ZFYVE28: variants seen among roughly 807,000 people sequenced by gnomAD.
The protein encoded by ZFYVE28 is zinc finger FYVE-type containing 28, also known as lateral signaling target protein 2 homolog.
Under a neutral mutation model 82.1 loss-of-function variants are expected in ZFYVE28, and 40 were observed. That is an observed-to-expected ratio of 0.49 (90% confidence interval 0.38 to 0.63). The LOEUF (loss-of-function observed/expected upper bound fraction) is 0.63, where lower values mean the gene tolerates loss of function less well. ZFYVE28 is among the 30% of genes least tolerant of loss of function. The probability of loss-of-function intolerance (pLI) is 0.00; values close to 1 mark genes in which losing one functional copy is unlikely to be tolerated. For missense variants in ZFYVE28, 1,321 were observed against 1,242.1 expected (o/e 1.06, Z -0.96); for synonymous variants, 612 against 546.1 (o/e 1.12, Z -1.68).
chr4:2,313,644 T>A (rs1367898177), intron 7 of ZFYVE28, among the ~76,000 whole-genome samples: 1 of 151,982 alleles, frequency 6.6e-6, no homozygotes, highest in Non-Finnish European at 1.5e-5. Context: ...GGTGAGTGGA[T>A]CATTTGAGGT....
At chr4:2,327,477 T>C (rs573734949) in intron 6 of ZFYVE28, among the ~76,000 whole-genome samples, 1 of 151,882 alleles carries the variant, frequency 6.6e-6, no homozygotes, top group East Asian at 1.9e-4. Flanking sequence ...CAGGAAAGGC[T>C]TTCAATTTTT....
At chr4:2,293,826 C>T (rs73203318) in intron 8 of ZFYVE28, among the ~76,000 whole-genome samples, 12,117 of 148,832 alleles carry the variant, frequency 0.081, 566 homozygotes, top group Admixed American at 0.1. Context: ...TGAACAATTA[C>T]AAATTAAAAT....
intron 10 of ZFYVE28, 58 bp from the exon 11 acceptor site, chr4:2,271,837 G>GACCCTGCA: frequency 2.7e-6 from 4 of 1,482,664 alleles, no homozygotes; most frequent in Non-Finnish European, 3.8e-6. Context: ...TTGATGCAGG[G>GACCCTGCA]TCACCTGCAC....
At chr4:2,287,835 G>A (rs540886800) in intron 8 of ZFYVE28, 1 of 152,434 alleles carries the variant, frequency 6.6e-6, no homozygotes, top group African/African-American at 2.4e-5. Flanking sequence ...GGCAGGGGGA[G>A]TCACCGTAGG....
At chr4:2,385,925 G>A (rs907702548) in intron 1 of ZFYVE28, among the ~76,000 whole-genome samples, 2 of 152,200 alleles carry the variant, frequency 1.3e-5, no homozygotes, top group Non-Finnish European at 2.9e-5. Flanking sequence ...ACAAAGCGGA[G>A]TCTTTGAGGG....
intron 1 of ZFYVE28, among the ~76,000 whole-genome samples, chr4:2,367,625 C>T (rs1727025103): frequency 6.6e-6 from 1 of 152,250 alleles, no homozygotes; most frequent in Non-Finnish European, 1.5e-5. Context: ...TTCAAACACC[C>T]AGACAGGGGT....
At chr4:2,328,544 T>C (rs1259317086) in intron 6 of ZFYVE28, 2 of 152,200 alleles carry the variant, frequency 1.3e-5, no homozygotes, top group African/African-American at 4.8e-5. Context: ...TAAAATGATC[T>C]CATTCAAAAG....
At position 2,335,633 on chromosome 4, in the gene ZFYVE28, C is replaced by T. The variant is rs908049316; in HGVS notation, c.701+72G>A. ...GAGACGCCATGGACCGGCACCCGCA[C>T]GGGACCTGGCACCATCAGCCCTGCC... On this transcript the variant is annotated intron_variant, in intron 6 of 12. Coordinates refer to ENST00000290974, the MANE Select transcript of ZFYVE28 (RefSeq NM_020972.3). This position sits in a 1 kb window ranked among gnomAD's most constrained non-coding sequence, Gnocchi z 5.8. The T allele has an allele frequency of 2.5e-5, 36 of 1,445,316 alleles. No homozygotes were observed. The highest frequency in any genetic ancestry group is 1.8e-4 in the Middle Eastern group (1 of 5,644). The allele number at this position is 1,445,316 out of a possible 1,614,324, so 89.5% of individuals were successfully genotyped here. A position where few individuals can be genotyped will look rare whatever the true frequency, so the allele number is the denominator to read the frequency against.
intron 1 of ZFYVE28, among the ~76,000 whole-genome samples, chr4:2,399,083 A>AGGTGAGATCCCGGGCACAAGCGTGG (rs1297197658): frequency 8.5e-6 from 1 of 117,502 alleles, no homozygotes; most frequent in Non-Finnish European, 1.7e-5. Flanking sequence ...CACAAGCGTG[A>AGGTGAGATCCCGGGCACAAGCGTGG]AGGTGAGATC....
At chr4:2,410,344 T>C (rs1732382707) in intron 1 of ZFYVE28, among the ~76,000 whole-genome samples, 1 of 152,144 alleles carries the variant, frequency 6.6e-6, no homozygotes, top group African/African-American at 2.4e-5. Flanking sequence ...TCTGGACATT[T>C]CATAGAAATG....
intron 1 of ZFYVE28, among the ~76,000 whole-genome samples, chr4:2,393,770 G>A (rs927832999): frequency 7.9e-5 from 12 of 152,144 alleles, no homozygotes; most frequent in African/African-American, 1.2e-4. Context: ...CCACACCTGC[G>A]GATTGGGGGA....
rs539712177 is a variant in ZFYVE28, at chr4:2,335,600, G to A, written c.701+105C>T. On this transcript the variant is annotated intron_variant, in intron 6 of 12. Coordinates refer to ENST00000290974, the MANE Select transcript of ZFYVE28 (RefSeq NM_020972.3). The surrounding 1 kb of genome is among the most constrained non-coding windows in gnomAD (Gnocchi z 5.8). ...TGATCGGGACAGCTGAGCGGCCACCGTGAGGTGGAGACGCCATGGACCGGC... is the reference window on the plus strand; with the variant it reads ...TGATCGGGACAGCTGAGCGGCCACCATGAGGTGGAGACGCCATGGACCGGC... 143 of 1,070,488 alleles carry A rather than the reference G, an allele frequency of 1.3e-4. 1 individual carries two copies. Among genetic ancestry groups the A allele is most frequent in the Admixed American group, 1.0e-3 (51 of 48,912 alleles). The allele number at this position is 1,070,488 out of a possible 1,614,324, so 66.3% of individuals were successfully genotyped here.
intron 2 of ZFYVE28, among the ~76,000 whole-genome samples, chr4:2,348,789 C>T (rs927670174): frequency 3.9e-5 from 6 of 152,210 alleles, no homozygotes; most frequent in African/African-American, 1.2e-4. Context: ...GATCTCTTCT[C>T]TATTTTTAAG....
At chr4:2,273,600 C>T (rs17132390) in intron 9 of ZFYVE28, among the ~76,000 whole-genome samples, 17 of 152,308 alleles carry the variant, frequency 1.1e-4, no homozygotes, top group African/African-American at 3.1e-4. Flanking sequence ...GGCCAGGCTA[C>T]GCGCTGAGGG....
chr4:2,348,722 C>T (rs1310453429), intron 2 of ZFYVE28, among the ~76,000 whole-genome samples: 1 of 152,192 alleles, frequency 6.6e-6, no homozygotes, highest in Non-Finnish European at 1.5e-5. Context: ...TAAGCTTTCA[C>T]AAGGACTGTG....
chr4:2,293,459 C>A (rs1446304547), intron 8 of ZFYVE28, among the ~76,000 whole-genome samples: 4 of 151,652 alleles, frequency 2.6e-5, no homozygotes, highest in African/African-American at 7.3e-5. Flanking sequence ...GAAGATTAAT[C>A]TTCTAGAAGA....
rs551705556 is a variant in ZFYVE28 at position 2,375,470 on chromosome 4, T to A, written c.40-21397A>T. 2.0e-5 allele frequency among the ~76,000 whole-genome samples: 3 copies of A among 152,322 alleles called. No individual in the cohort carries two copies. The East Asian group carries it at 5.8e-4, about 29-fold the overall frequency. ...ACCCCCAGATAAAGTCACGACTTGG[T>A]GACCAAACTGAATGAATCCACACCC... On this transcript the variant is annotated intron_variant, in intron 1 of 12. Transcript: ENST00000290974.
rs550496703 is a variant in ZFYVE28 at position 2,368,327 on chromosome 4, G to A, written c.40-14254C>T. ...TGAAGCGGGAAGATCGCTTGAGCCC[G>A]GGAGGTGGAAGTTAGAGTGAGCTGA... On this transcript the variant is annotated intron_variant, in intron 1 of 12. Coordinates refer to ENST00000290974, the MANE Select transcript of ZFYVE28 (RefSeq NM_020972.3). Among the ~76,000 whole-genome samples, 25 of 152,144 alleles carry A rather than the reference G, an allele frequency of 1.6e-4. 1 individual carries two copies. The highest frequency in any genetic ancestry group is 1.0e-3 in the South Asian group (5 of 4,808).
At chr4:2,299,746 G>A (rs1175669116) in intron 8 of ZFYVE28, among the ~76,000 whole-genome samples, 1 of 141,278 alleles carries the variant, frequency 7.1e-6, no homozygotes, top group Non-Finnish European at 1.5e-5. Flanking sequence ...ATGTTCAGTG[G>A]AAAAAAAAAT....
Sources: gnomAD v4.1 joint callset for allele counts (sites outside exome capture counted in the v4.1 genomes callset) on GRCh38, gnomAD v4.1.1 for gene constraint, Gnocchi (gnomAD v3.1) non-coding constraint, MANE v1.5 for transcripts, NCBI Gene and HGNC (gene_info 2026-07-23, HGNC 2026-07-21) for gene names.